Variants in ZC2HC1C observed in about 807,000 individuals in gnomAD.
ZC2HC1C encodes the protein zinc finger C2HC domain-containing protein 1C.
A neutral mutation model predicts 39.2 loss-of-function variants in ZC2HC1C; 25 were observed. The observed-to-expected ratio is 0.64, with a 90% confidence interval of 0.47 to 0.89. The LOEUF is 0.89. Ranked by LOEUF, ZC2HC1C falls within the 40% of genes least tolerant of loss-of-function variation. ZC2HC1C has a pLI of 0.00. For synonymous variants in ZC2HC1C, 209 were observed against 214.4 expected (o/e 0.97, Z 0.22); for missense variants, 519 against 548.6 (o/e 0.95, Z 0.54).
chr14:75,070,735 G>C lies in ZC2HC1C; in HGVS notation c.162G>C (p.Gln54His). ...SLKGHLRNNF[Q>H]KQLLSNKELI... The stretch of plus-strand genomic sequence containing the variant: ...AGGGGCACCTGAGGAACAATTTCCA[G>C]AAGCAGCTTTTGAGCAACAAAGAGT... The change falls in exon 2 of 3, where the codon CAG (glutamine) becomes CAC (histidine). Residue 54 changes from glutamine to histidine, a missense_variant. Transcript: ENST00000524913. The C allele has an allele frequency of 6.2e-7, 1 of 1,614,220 alleles. No individual in the cohort carries two copies. The highest frequency in any genetic ancestry group is 8.5e-7 in the Non-Finnish European group (1 of 1,180,034).
intron 2 of ZC2HC1C, among the ~76,000 whole-genome samples, chr14:75,074,163 C>G (rs929231614): frequency 6.6e-6 from 1 of 152,214 alleles, no homozygotes; most frequent in Non-Finnish European, 1.5e-5. Context: ...ACGCCTCAGC[C>G]TCCCAAAATG....
rs139741478 is a variant in ZC2HC1C, at chr14:75,071,082, CGA to C, written c.515_516del (p.Glu172ValfsTer4). The C allele has an allele frequency of 5.6e-6, 9 of 1,614,136 alleles. No homozygotes were observed. Among genetic ancestry groups the C allele is most frequent in the African/African-American group, 1.3e-5 (1 of 75,018 alleles). On this transcript the variant is annotated frameshift_variant, in exon 2 of 3. Transcript: ENST00000524913. LOFTEE classifies it high-confidence loss of function. ...AATGTCTACCCAAGGCCCCCTGAGC[CGA>C]GAGAGTTTTCATCTAGGAACTTTGG...
rs529870986 is a variant in ZC2HC1C, at chr14:75,071,770, C to T, written c.1197C>T (p.Leu399=). 3.7e-6 allele frequency: 6 copies of T among 1,614,166 alleles called. No individual in the cohort carries two copies. The African/African-American group carries it at 5.3e-5, about 14-fold the overall frequency. Residue 399 remains leucine (L), a synonymous_variant, in exon 2 of 3, where the codon CTC becomes CTT. Coordinates refer to ENST00000524913, the MANE Select transcript of ZC2HC1C (RefSeq NM_024643.4). ...GECSHCGRKF[L]SFRLERHSNI... ...GCAGCCACTGTGGGCGCAAATTCCTCTCGTTCAGGCTGGAGAGACACTCCA... is the reference window on the plus strand; with the variant it reads ...GCAGCCACTGTGGGCGCAAATTCCTTTCGTTCAGGCTGGAGAGACACTCCA...
intron 2 of ZC2HC1C, chr14:75,073,714 T>C (rs564436344): frequency 4.2e-6 from 4 of 955,320 alleles, no homozygotes; most frequent in East Asian, 6.1e-5. Context: ...ACTGTAAGCA[T>C]TTTTGAGGAC....
chr14:75,077,331 G>A (rs145697955), intron 2 of ZC2HC1C, among the ~76,000 whole-genome samples: 9 of 152,282 alleles, frequency 5.9e-5, no homozygotes, highest in African/African-American at 1.9e-4. Flanking sequence ...TTGGGAAAGT[G>A]GCTTGCCTCT....
chr14:75,076,133 C>T (rs1893657778), intron 2 of ZC2HC1C, among the ~76,000 whole-genome samples: 1 of 152,144 alleles, frequency 6.6e-6, no homozygotes, highest in Non-Finnish European at 1.5e-5. Flanking sequence ...GTTCCTTCTG[C>T]AACTCTTATT....
intron 2 of ZC2HC1C, among the ~76,000 whole-genome samples, chr14:75,077,198 T>C (rs1395736394): frequency 6.6e-6 from 1 of 152,236 alleles, no homozygotes; most frequent in African/African-American, 2.4e-5. Flanking sequence ...GTGAGTGTGC[T>C]TGGGTGTTGA....
rs1893404625 is a variant in ZC2HC1C, at chr14:75,071,456, G to T, written c.883G>T (p.Glu295Ter). Residue 295 changes from glutamate (E) to a stop codon, truncating the protein, a stop_gained, in exon 2 of 3, where the codon GAA becomes TAA. Transcript: ENST00000524913. LOFTEE classifies it high-confidence loss of function. Reference protein sequence around the residue: ...IFSPEFEFEEEFSRDRREDET... With the variant: ...IFSPEFEFEE ...CTCCCCAGAATTTGAGTTTGAGGAAGAATTTAGTAGAGACAGGAGAGAGGA... is the reference window on the plus strand; with the variant it reads ...CTCCCCAGAATTTGAGTTTGAGGAATAATTTAGTAGAGACAGGAGAGAGGA... The T allele has an allele frequency of 6.2e-7, 1 of 1,614,144 alleles. No individual in the cohort carries two copies.
rs772457472 is a variant in ZC2HC1C at position 75,071,209 on chromosome 14, G to C, written c.636G>C (p.Gln212His). 3 of 1,614,100 alleles carry C rather than the reference G, an allele frequency of 1.9e-6. No individual in the cohort carries two copies. Among genetic ancestry groups the C allele is most frequent in the Non-Finnish European group, 2.5e-6 (3 of 1,180,052 alleles). Residue 212 changes from glutamine to histidine, a missense_variant, in exon 2 of 3, where the codon CAG becomes CAC. Coordinates refer to ENST00000524913, the MANE Select transcript of ZC2HC1C (RefSeq NM_024643.4). ...VANFDRTEWVQIRRLEAAGES... is the reference protein window; with the variant it reads ...VANFDRTEWVHIRRLEAAGES... ...ACTTTGACAGGACGGAGTGGGTGCA[G>C]ATCCGAAGACTAGAAGCTGCAGGGG...
In ZC2HC1C at chr14:75,070,595, G is replaced by C; in HGVS notation, c.22G>C (p.Ala8Pro). Residue 8 changes from alanine (A) to proline (P), a missense_variant, in exon 2 of 3, where the codon GCG (alanine) becomes CCG (proline). By Grantham distance (27) the Ala-to-Pro change is conservative. Transcript: ENST00000524913. Reference protein sequence around the residue: MAGLQRLASHLPVGVMLP... With the variant: MAGLQRLPSHLPVGVMLP... ...CTGAATGGCTGGTCTCCAGCGGTTG[G>C]CGTCACATCTGCCTGTGGGCGTTAT... 2 of 1,612,230 alleles carry C rather than the reference G, an allele frequency of 1.2e-6. No homozygotes were observed. Among genetic ancestry groups the C allele is most frequent in the Non-Finnish European group, 1.7e-6 (2 of 1,179,052 alleles).
At chr14:75,072,270 G>A (rs1406662313) in intron 2 of ZC2HC1C, among the ~76,000 whole-genome samples, 1 of 152,158 alleles carries the variant, frequency 6.6e-6, no homozygotes, top group African/African-American at 2.4e-5. Flanking sequence ...AAAGTTTACT[G>A]TAGAAAATTT....
rs1178897978 is a variant in ZC2HC1C, at chr14:75,073,538, C to A, written c.1338+1627C>A. ...GACCTAGACTAAGATGCACCTGCAC[C>A]ACCCTGGTAATGTCTCAAATCTTAT... is the stretch of plus-strand genomic sequence containing the variant. On this transcript the variant is annotated intron_variant, in intron 2 of 2. Transcript: ENST00000524913. 3 of 1,284,308 alleles carry A rather than the reference C, an allele frequency of 2.3e-6. No individual in the cohort carries two copies. The South Asian group carries it at 3.7e-5, about 16-fold the overall frequency. The allele number at this position is 1,284,308 out of a possible 1,614,324, so 79.6% of individuals were successfully genotyped here. A position where few individuals can be genotyped will look rare whatever the true frequency, so the allele number is the denominator to read the frequency against.
In ZC2HC1C at chr14:75,078,549, T is replaced by C. The variant is rs577137262; in HGVS notation, c.*985T>C. 6.6e-6 allele frequency: 1 copy of C among 152,352 alleles called. No homozygotes were observed. Among genetic ancestry groups the C allele is most frequent in the African/African-American group, 2.4e-5 (1 of 41,576 alleles). The allele number at this position is 152,352 out of a possible 1,614,324, so 9.4% of individuals were successfully genotyped here. On this transcript the variant is annotated 3_prime_UTR_variant, in exon 3 of 3. Transcript: ENST00000524913. ...TTTAGCTGTTAGTAGCACTCTACTT[T>C]CAAATCGGTTTGGCTAAATGACTGT...
chr14:75,073,814 T>C (rs549463872), intron 2 of ZC2HC1C, among the ~76,000 whole-genome samples: 5 of 152,324 alleles, frequency 3.3e-5, no homozygotes, highest in Non-Finnish European at 5.9e-5. Context: ...AATTAGAGTA[T>C]AAGAAGTAAA....
At chr14:75,074,165 C>T (rs1893557801) in intron 2 of ZC2HC1C, among the ~76,000 whole-genome samples, 1 of 152,178 alleles carries the variant, frequency 6.6e-6, no homozygotes, top group Non-Finnish European at 1.5e-5. Context: ...GCCTCAGCCT[C>T]CCAAAATGTT....
rs1893451715 is a variant in ZC2HC1C at position 75,072,044 on chromosome 14, A to G, written c.1338+133A>G. 2.4e-6 allele frequency: 3 copies of G among 1,264,542 alleles called. No homozygotes were observed. In the South Asian group the frequency reaches 5.0e-5, roughly 21 times the overall value. The allele number at this position is 1,264,542 out of a possible 1,614,324, so 78.3% of individuals were successfully genotyped here. A position where few individuals can be genotyped will look rare whatever the true frequency, so the allele number is the denominator to read the frequency against. On this transcript the variant is annotated intron_variant, in intron 2 of 2. Transcript: ENST00000524913. ...TGACGTCTAGAATTAACATTTCTTGATTACTACTGTATGCCAGCATTGTGA... is the reference window on the plus strand; with the variant it reads ...TGACGTCTAGAATTAACATTTCTTGGTTACTACTGTATGCCAGCATTGTGA...
At chr14:75,072,427 TGTTAACA>T (rs1210524684) in intron 2 of ZC2HC1C, among the ~76,000 whole-genome samples, 3 of 152,250 alleles carry the variant, frequency 2.0e-5, no homozygotes, top group Admixed American at 2.0e-4. Context: ...GTTAGCTCAG[TGTTAACA>T]TAGCTTCTTA....
chr14:75,071,296 A>T lies in ZC2HC1C; in HGVS notation c.723A>T (p.Thr241=), dbSNP rs747078006. ...QILLRGKLKK[T]EEELRRIQTQ... The stretch of plus-strand genomic sequence containing the variant: ...TCCTGAGGGGAAAGCTGAAGAAGAC[A>T]GAGGAGGAACTCAGAAGGATCCAGA... Residue 241 remains threonine (T), a synonymous_variant, in exon 2 of 3, where the codon ACA becomes ACT. Transcript: ENST00000524913. 6.2e-7 allele frequency: 1 copy of T among 1,614,152 alleles called. No individual in the cohort carries two copies. The highest frequency in any genetic ancestry group is 8.5e-7 in the Non-Finnish European group (1 of 1,179,984).
Position 75,070,577 on chromosome 14 carries a change from G to A in ZC2HC1C, c.4G>A (p.Ala2Thr), listed in dbSNP as rs905642795. 6.8e-6 allele frequency: 11 copies of A among 1,607,734 alleles called. No individual in the cohort carries two copies. The highest frequency in any genetic ancestry group is 3.3e-4 in the Middle Eastern group (2 of 6,028). M[A>T]GLQRLASHLP... ...TAGGCGTCAGTCCAGGCCCTGAATG[G>A]CTGGTCTCCAGCGGTTGGCGTCACA... The change falls in exon 2 of 3, where the codon GCT (alanine) becomes ACT (threonine). Residue 2 changes from alanine (A) to threonine (T), a missense_variant. Transcript: ENST00000524913.
Sources: gnomAD v4.1 joint callset for allele counts (sites outside exome capture counted in the v4.1 genomes callset) on GRCh38, gnomAD v4.1.1 for gene constraint, MANE v1.5 for transcripts, NCBI Gene and HGNC (gene_info 2026-07-23, HGNC 2026-07-21) for gene names.